Variants in TMEM135 observed in about 807,000 individuals in gnomAD.
TMEM135 encodes the protein peroxisomal membrane protein 52.
In TMEM135, 30 loss-of-function variants were observed where a neutral mutation model predicts 60.3. That is an observed-to-expected ratio of 0.50 (90% CI 0.37 to 0.68). TMEM135 has a LOEUF of 0.68. Among genes scored for constraint, TMEM135 ranks in the 30% least tolerant of loss-of-function variants. TMEM135 has a pLI of 0.00. For missense variants in TMEM135, 468 were observed against 548.8 expected (o/e 0.85, Z 1.47); for synonymous variants, 190 against 186.7 (o/e 1.02, Z -0.14).
chr11:87,115,919 A>G (rs1216027327), intron 4 of TMEM135, among the ~76,000 whole-genome samples: 2 of 152,070 alleles, frequency 1.3e-5, no homozygotes, highest in African/African-American at 4.8e-5. Context: ...ATTGATTTAT[A>G]TGCTATTTAG....
At chr11:87,298,951 G>T (rs144228947) in intron 7 of TMEM135, among the ~76,000 whole-genome samples, 1,769 of 152,086 alleles carry the variant, frequency 0.012, 27 homozygotes, top group African/African-American at 0.041. Flanking sequence ...AGCTGGGTGT[G>T]GTGATGGGCG....
chr11:87,097,169 G>A (rs1857349681), intron 4 of TMEM135, among the ~76,000 whole-genome samples: 1 of 152,044 alleles, frequency 6.6e-6, no homozygotes, highest in Non-Finnish European at 1.5e-5. Flanking sequence ...GCTAATTTTT[G>A]TATTTCCAGT....
At chr11:87,263,191 A>G (rs1941687321) in intron 6 of TMEM135, among the ~76,000 whole-genome samples, 1 of 152,196 alleles carries the variant, frequency 6.6e-6, no homozygotes, top group South Asian at 2.1e-4. Context: ...TTTTTGAGCA[A>G]TCAATGTGCA....
intron 4 of TMEM135, chr11:87,094,841 T>A: frequency 5.8e-6 from 1 of 171,724 alleles, no homozygotes; most frequent in South Asian, 1.6e-4. Flanking sequence ...TAGCTTCTTG[T>A]AACATAGGAT....
intron 4 of TMEM135, 22 bp from the exon 5 acceptor site, chr11:87,157,319 G>GTTT: frequency 5.2e-6 from 7 of 1,334,740 alleles, no homozygotes; most frequent in South Asian, 1.3e-5. Context: ...TATTTTTGCT[G>GTTT]TTTTTTTTTT....
chr11:87,301,362 TC>T (rs758166808), intron 7 of TMEM135, among the ~76,000 whole-genome samples: 6 of 152,088 alleles, frequency 3.9e-5, no homozygotes, highest in Non-Finnish European at 5.9e-5. Context: ...CAAGCAATCC[TC>T]CCACGTCAGC....
In TMEM135 at chr11:87,140,819, C is replaced by T. The variant is rs569089429; in HGVS notation, c.397-16522C>T. ...TTAGTTTTTGTTATGGAGTGAGTTA[C>T]GGGTTGAGGTTCATATATTTCCGTT... On this transcript the variant is annotated intron_variant, in intron 4 of 14. Transcript: ENST00000305494. Among the ~76,000 whole-genome samples, 11 of 152,210 alleles carry T rather than the reference C, an allele frequency of 7.2e-5. No individual in the cohort carries two copies. The South Asian group carries it at 2.1e-3, about 29-fold the overall frequency.
chr11:87,326,833 A>C lies in TMEM135; in HGVS notation c.*5500A>C, dbSNP rs532621161. On this transcript the variant is annotated 3_prime_UTR_variant, in exon 15 of 15. Coordinates refer to ENST00000305494, the MANE Select transcript of TMEM135 (RefSeq NM_022918.4). ...TAGCCTGTCACTGCTCAGGGATAGCACTAAGGCTCTCTTCAGAACCAAAGG... is the reference window on the plus strand; with the variant it reads ...TAGCCTGTCACTGCTCAGGGATAGCCCTAAGGCTCTCTTCAGAACCAAAGG... The C allele has an allele frequency of 4.4e-4, 200 of 451,376 alleles. No homozygotes were observed. The highest frequency in any genetic ancestry group is 8.1e-4 in the Non-Finnish European group (183 of 226,302). The allele number at this position is 451,376 out of a possible 1,614,324, so 28.0% of individuals were successfully genotyped here. A position where few individuals can be genotyped will look rare whatever the true frequency, so the allele number is the denominator to read the frequency against.
intron 6 of TMEM135, among the ~76,000 whole-genome samples, chr11:87,245,980 C>T (rs10898632): frequency 0.62 from 73,151 of 118,388 alleles, 23,832 homozygotes; most frequent in Middle Eastern, 0.71. Context: ...GATTTTGCAG[C>T]GGCTGGTACC....
chr11:87,260,407 A>G (rs1343065531), intron 6 of TMEM135, among the ~76,000 whole-genome samples: 1 of 152,218 alleles, frequency 6.6e-6, no homozygotes, highest in Non-Finnish European at 1.5e-5. Context: ...AACCACCAGC[A>G]ACTTCTACTG....
intron 5 of TMEM135, among the ~76,000 whole-genome samples, chr11:87,204,134 A>T: frequency 6.7e-6 from 1 of 149,862 alleles, no homozygotes; most frequent in African/African-American, 2.5e-5. Flanking sequence ...TTTCTGTTGC[A>T]TTTTCTCTGT....
chr11:87,151,753 A>C (rs1038598834), intron 4 of TMEM135, among the ~76,000 whole-genome samples: 2 of 152,094 alleles, frequency 1.3e-5, no homozygotes, highest in African/African-American at 4.8e-5. Context: ...GAGAATGGGA[A>C]AGTGGTTGGG....
At chr11:87,215,032 T>A (rs1314992644) in intron 5 of TMEM135, among the ~76,000 whole-genome samples, 1 of 152,134 alleles carries the variant, frequency 6.6e-6, no homozygotes, top group Admixed American at 6.5e-5. Context: ...AAGTTTTCCA[T>A]GAGTTTGGGA....
chr11:87,307,937 A>G (rs1942579659), intron 9 of TMEM135, among the ~76,000 whole-genome samples: 1 of 152,144 alleles, frequency 6.6e-6, no homozygotes. Context: ...GCTGTCTGAA[A>G]TGTTTTTCTC....
chr11:87,268,255 ATATTTATTTATTTATT>A (rs56802824), intron 6 of TMEM135, among the ~76,000 whole-genome samples: 42,536 of 132,904 alleles, frequency 0.32, 7,307 homozygotes, highest in Non-Finnish European at 0.4. Context: ...CCACACCTAG[ATATTTATTTATTTATT>A]TATTTATTTA....
intron 6 of TMEM135, among the ~76,000 whole-genome samples, chr11:87,237,975 G>A (rs1335736526): frequency 6.6e-6 from 1 of 151,874 alleles, no homozygotes; most frequent in African/African-American, 2.4e-5. Context: ...AGTTCCATCT[G>A]TGTTGCAAAT....
chr11:87,230,501 T>G (rs537748128), intron 5 of TMEM135, among the ~76,000 whole-genome samples: 5 of 152,258 alleles, frequency 3.3e-5, no homozygotes, highest in African/African-American at 1.2e-4. Flanking sequence ...TTACATTATA[T>G]ATAAATCCTT....
At chr11:87,150,180 A>C (rs758011780) in intron 4 of TMEM135, among the ~76,000 whole-genome samples, 34 of 144,424 alleles carry the variant, frequency 2.4e-4, no homozygotes, top group Admixed American at 5.1e-4. Flanking sequence ...GCACCATTGC[A>C]CTCCAGCCTG....
chr11:87,144,711 T>A (rs1020851700), intron 4 of TMEM135, among the ~76,000 whole-genome samples: 2 of 141,962 alleles, frequency 1.4e-5, no homozygotes, highest in Admixed American at 7.1e-5. Flanking sequence ...TGTGTGAAAG[T>A]GTGTGTGTGT....
Sources: allele counts gnomAD v4.1 joint callset (sites outside exome capture counted in the v4.1 genomes callset), GRCh38; gene constraint gnomAD v4.1.1; transcripts MANE v1.5; gene names NCBI Gene and HGNC (gene_info 2026-07-23, HGNC 2026-07-21).